Variants in HPSE2 observed in about 807,000 individuals in gnomAD.
HPSE2 encodes the protein heparanase 2 (inactive).
In HPSE2, 38 loss-of-function variants were observed where a neutral mutation model predicts 60.5. The observed-to-expected ratio is 0.63, with a 90% CI of 0.48 to 0.82. The LOEUF (loss-of-function observed/expected upper bound fraction) is 0.82. Among genes scored for constraint, HPSE2 ranks in the 40% least tolerant of loss-of-function variants. HPSE2 has a pLI of 0.00. For missense variants in HPSE2, 713 were observed against 740.4 expected (o/e 0.96, Z 0.43); for synonymous variants, 295 against 293.2 (o/e 1.01, Z -0.06).
intron 4 of HPSE2, among the ~76,000 whole-genome samples, chr10:98,727,478 C>T (rs191291290): frequency 6.6e-6 from 1 of 152,176 alleles, no homozygotes; most frequent in African/African-American, 2.4e-5. Context: ...CAGTGAAACC[C>T]TGTCTCTACT....
intron 3 of HPSE2, among the ~76,000 whole-genome samples, chr10:98,762,973 A>G (rs1046203816): frequency 4.6e-5 from 7 of 152,268 alleles, no homozygotes; most frequent in African/African-American, 1.7e-4. Context: ...CATGTTTTAA[A>G]TGAATAAAAT....
chr10:98,719,300 G>A lies in HPSE2; in HGVS notation c.956+2357C>T, dbSNP rs767767581. Reference sequence around the variant, plus strand: ...AAATGGGGTCCTGACCCTACTCTGTGGTTTATCATGGCTGGCAGATATATA... The same window carrying A: ...AAATGGGGTCCTGACCCTACTCTGTAGTTTATCATGGCTGGCAGATATATA... On this transcript the variant is annotated intron_variant, in intron 5 of 11. Coordinates refer to ENST00000370552, the MANE Select transcript of HPSE2 (RefSeq NM_021828.5). Among the ~76,000 whole-genome samples, 4 of 152,004 alleles carry A rather than the reference G, an allele frequency of 2.6e-5. No individual in the cohort carries two copies. In the East Asian group the frequency reaches 7.7e-4, roughly 29 times the overall value.
intron 3 of HPSE2, among the ~76,000 whole-genome samples, chr10:98,794,258 T>G (rs1950722422): frequency 6.7e-6 from 1 of 149,210 alleles, no homozygotes; most frequent in African/African-American, 2.5e-5. Context: ...TTTTTTTTTT[T>G]GAGACAGAGT....
chr10:99,057,047 G>A (rs2135514068), intron 3 of HPSE2, among the ~76,000 whole-genome samples: 1 of 152,216 alleles, frequency 6.6e-6, no homozygotes, highest in African/African-American at 2.4e-5. Flanking sequence ...GCCTTTGGGA[G>A]GTGAGGATTT....
intron 3 of HPSE2, among the ~76,000 whole-genome samples, chr10:99,004,626 T>C (rs76147640): frequency 0.012 from 1,762 of 152,308 alleles, 28 homozygotes; most frequent in African/African-American, 0.04. Context: ...GCTATTAATC[T>C]TTTTAATAGT....
At chr10:98,795,132 G>C (rs2134500461) in intron 3 of HPSE2, among the ~76,000 whole-genome samples, 1 of 152,142 alleles carries the variant, frequency 6.6e-6, no homozygotes, top group South Asian at 2.1e-4. Context: ...CCTATAGCAT[G>C]TGTCTCCCTG....
intron 2 of HPSE2, among the ~76,000 whole-genome samples, chr10:99,198,639 T>A (rs1848478754): frequency 6.6e-6 from 1 of 152,204 alleles, no homozygotes; most frequent in Admixed American, 6.5e-5. Context: ...TATGTACATA[T>A]AATAAACTTT....
chr10:99,004,482 A>G (rs1472037588), intron 3 of HPSE2, among the ~76,000 whole-genome samples: 1 of 152,028 alleles, frequency 6.6e-6, no homozygotes, highest in Admixed American at 6.6e-5. Flanking sequence ...TATAGTTGTA[A>G]CAGGCTCTGT....
chr10:99,170,385 G>T (rs950789046), intron 2 of HPSE2, among the ~76,000 whole-genome samples: 1 of 152,148 alleles, frequency 6.6e-6, no homozygotes, highest in African/African-American at 2.4e-5. Flanking sequence ...GGCCTGCATT[G>T]TTTCTCTAGC....
chr10:99,015,784 G>C (rs372203758), intron 3 of HPSE2, among the ~76,000 whole-genome samples: 1 of 152,008 alleles, frequency 6.6e-6, no homozygotes, highest in Non-Finnish European at 1.5e-5. Context: ...TAACCTGCAC[G>C]TTGTGCACAT....
the HPSE2 span, among the ~76,000 whole-genome samples, chr10:99,289,298 CA>C: frequency 3.3e-5 from 5 of 151,366 alleles, no homozygotes; most frequent in East Asian, 7.7e-4. Flanking sequence ...TACGTGGCTG[CA>C]AAAAATATTA....
At chr10:99,000,715 A>T (rs1354496375) in intron 3 of HPSE2, among the ~76,000 whole-genome samples, 1 of 152,136 alleles carries the variant, frequency 6.6e-6, no homozygotes, top group African/African-American at 2.4e-5. Flanking sequence ...GATGTAAGAC[A>T]GATTACTTAT....
Position 98,501,316 on chromosome 10 carries a change from A to T in HPSE2, c.1321-11120T>A, listed in dbSNP as rs117799145. Reference sequence around the variant, plus strand: ...CCTTAACAAAATACTAGCTAACTGGATCAATCCAACAACATATCAAAAAGA... The same window carrying T: ...CCTTAACAAAATACTAGCTAACTGGTTCAATCCAACAACATATCAAAAAGA... On this transcript the variant is annotated intron_variant, in intron 9 of 11. Transcript: ENST00000370552. Among the ~76,000 whole-genome samples the T allele has an allele frequency of 7.8e-4, 119 of 152,306 alleles. 1 individual carries two copies. The East Asian group carries it at 0.022, about 29-fold the overall frequency.
chr10:98,520,519 G>C (rs866265210), intron 9 of HPSE2, among the ~76,000 whole-genome samples: 3 of 152,202 alleles, frequency 2.0e-5, no homozygotes, highest in African/African-American at 7.2e-5. Flanking sequence ...GGGGACAGCA[G>C]ACCCTGCTCT....
chr10:98,997,743 C>T (rs117719985), intron 3 of HPSE2, among the ~76,000 whole-genome samples: 35 of 152,336 alleles, frequency 2.3e-4, no homozygotes, highest in Non-Finnish European at 3.7e-4. Context: ...CACTAAAGTG[C>T]AGCCACATCT....
intron 11 of HPSE2, among the ~76,000 whole-genome samples, chr10:98,481,187 T>C (rs1941220819): frequency 6.6e-6 from 1 of 152,172 alleles, no homozygotes; most frequent in Non-Finnish European, 1.5e-5. Flanking sequence ...CTGTCAGAAA[T>C]GGCTTTGCAG....
intron 9 of HPSE2, among the ~76,000 whole-genome samples, chr10:98,582,072 C>T (rs1174332831): frequency 6.6e-6 from 1 of 152,190 alleles, no homozygotes; most frequent in East Asian, 1.9e-4. Context: ...AATGGTACTA[C>T]ATCCTCCTGC....
chr10:98,859,387 T>C (rs1315847875), intron 3 of HPSE2, among the ~76,000 whole-genome samples: 3 of 152,190 alleles, frequency 2.0e-5, no homozygotes, highest in Middle Eastern at 3.2e-3. Flanking sequence ...CATTATTTCT[T>C]GGTGTATCTG....
At chr10:98,726,359 A>G (rs1201937990) in intron 4 of HPSE2, among the ~76,000 whole-genome samples, 3 of 151,934 alleles carry the variant, frequency 2.0e-5, no homozygotes, top group African/African-American at 4.8e-5. Context: ...GCTGGAAACC[A>G]TCATTCTCAG....
Sources: gnomAD v4.1 joint callset for allele counts (sites outside exome capture counted in the v4.1 genomes callset) on GRCh38, gnomAD v4.1.1 for gene constraint, MANE v1.5 for transcripts, NCBI Gene and HGNC (gene_info 2026-07-23, HGNC 2026-07-21) for gene names.